MAP2K1: variants seen among roughly 807,000 people sequenced by gnomAD.
MAP2K1 encodes the protein dual specificity mitogen-activated protein kinase kinase 1.
In MAP2K1, 16 loss-of-function variants were observed where a neutral mutation model predicts 46.3. The observed-to-expected ratio is 0.35, with a 90% CI of 0.23 to 0.52. The LOEUF (loss-of-function observed/expected upper bound fraction) is 0.52, where lower values mean the gene tolerates loss of function less well. Ranked by LOEUF, MAP2K1 falls within the 20% of genes least tolerant of loss-of-function variation. The pLI is 0.94. For missense variants in MAP2K1, 263 were observed against 497.1 expected (o/e 0.53, Z 4.48); for synonymous variants, 183 against 185.6 (o/e 0.99, Z 0.11).
At chr15:66,441,136 T>C (rs1382525680) in intron 3 of MAP2K1, among the ~76,000 whole-genome samples, 3 of 152,086 alleles carry the variant, frequency 2.0e-5, no homozygotes, top group Non-Finnish European at 4.4e-5. Context: ...AGCTAATTTT[T>C]ATTTTTTGTA....
Position 66,443,387 on chromosome 15 carries a change from G to T in MAP2K1, c.516+30G>T, listed in dbSNP as rs372680156. On this transcript the variant is annotated intron_variant, in intron 4 of 10. Coordinates refer to ENST00000307102, the MANE Select transcript of MAP2K1 (RefSeq NM_002755.4). ...GTATGTTATGAAGTTTTTCTTCTAA[G>T]TTCCTCATTGATAAGTTAATGAGTC... 13 of 1,322,962 alleles carry T rather than the reference G, an allele frequency of 9.8e-6. No homozygotes were observed. The African/African-American group carries it at 1.9e-4, about 19-fold the overall frequency. 82.0% of individuals were successfully genotyped at this position (1,322,962 alleles called of 1,614,324 possible).
intron 5 of MAP2K1, among the ~76,000 whole-genome samples, chr15:66,477,672 A>G (rs1314880696): frequency 6.6e-6 from 1 of 152,194 alleles, no homozygotes; most frequent in Non-Finnish European, 1.5e-5. Flanking sequence ...CTTTTACTCT[A>G]AAACAGGCTT....
At chr15:66,404,774 C>G (rs939606889) in intron 1 of MAP2K1, among the ~76,000 whole-genome samples, 1 of 152,106 alleles carries the variant, frequency 6.6e-6, no homozygotes, top group African/African-American at 2.4e-5. Context: ...GGAGGGGACA[C>G]GGTGAGCGGA....
chr15:66,466,711 A>G (rs774270025), intron 5 of MAP2K1, among the ~76,000 whole-genome samples: 4 of 152,186 alleles, frequency 2.6e-5, no homozygotes, highest in Non-Finnish European at 4.4e-5. Context: ...AAACCTGTCA[A>G]TAGCTCAAAA....
rs541530931 is a variant in MAP2K1 at position 66,398,137 on chromosome 15, G to A, written c.80+10710G>A. Among the ~76,000 whole-genome samples the A allele has an allele frequency of 4.6e-5, 7 of 151,832 alleles. No individual in the cohort carries two copies. In the South Asian group the frequency reaches 1.5e-3, roughly 32 times the overall value. The stretch of plus-strand genomic sequence containing the variant: ...AGTCAGTATAAGGGTGGGCATGGTG[G>A]CACACACCTGTAATCCCAGCACTTG... On this transcript the variant is annotated intron_variant, in intron 1 of 10. Transcript: ENST00000307102.
At chr15:66,431,627 C>A (rs995657348) in intron 1 of MAP2K1, among the ~76,000 whole-genome samples, 3 of 152,172 alleles carry the variant, frequency 2.0e-5, no homozygotes, top group African/African-American at 4.8e-5. Flanking sequence ...TTTTGACCCA[C>A]CCCAGTGAAT....
intron 5 of MAP2K1, among the ~76,000 whole-genome samples, chr15:66,465,992 G>T (rs1892455279): frequency 6.6e-6 from 1 of 152,156 alleles, no homozygotes; most frequent in African/African-American, 2.4e-5. Context: ...TACAAGTTGG[G>T]TGAATTCCTC....
chr15:66,434,357 C>A (rs986527700), intron 1 of MAP2K1, among the ~76,000 whole-genome samples: 1 of 152,158 alleles, frequency 6.6e-6, no homozygotes, highest in African/African-American at 2.4e-5. Flanking sequence ...ATGTTCTGGT[C>A]CATGTGCGAA....
intron 1 of MAP2K1, among the ~76,000 whole-genome samples, chr15:66,431,641 A>G (rs1190713970): frequency 6.6e-6 from 1 of 152,186 alleles, no homozygotes; most frequent in Non-Finnish European, 1.5e-5. Context: ...AGTGAATGAA[A>G]TAAGCATAGA....
intron 5 of MAP2K1, among the ~76,000 whole-genome samples, chr15:66,467,997 C>G (rs893115184): frequency 2.0e-5 from 3 of 152,116 alleles, no homozygotes; most frequent in Admixed American, 6.6e-5. Flanking sequence ...AAAAATGTAC[C>G]CTGGCTATTC....
At chr15:66,416,221 A>T (rs924804188) in intron 1 of MAP2K1, among the ~76,000 whole-genome samples, 1 of 152,052 alleles carries the variant, frequency 6.6e-6, no homozygotes, top group African/African-American at 2.4e-5. Context: ...CCCAATGCCT[A>T]CCTTGCTTTT....
chr15:66,435,442 C>T (rs1466657398), intron 2 of MAP2K1, among the ~76,000 whole-genome samples: 2 of 151,780 alleles, frequency 1.3e-5, no homozygotes, highest in African/African-American at 4.8e-5. Flanking sequence ...TCTCCTGCCT[C>T]AGCCTCCTGA....
At chr15:66,397,532 T>TG (rs1343358084) in intron 1 of MAP2K1, among the ~76,000 whole-genome samples, 1 of 152,240 alleles carries the variant, frequency 6.6e-6, no homozygotes, top group Non-Finnish European at 1.5e-5. Context: ...GTGTTAATGA[T>TG]GCCGGCTTTT....
In MAP2K1 at chr15:66,481,810, C is replaced by T. The variant is rs191996882; in HGVS notation, c.624C>T (p.Asp208=). Residue 208 remains aspartate (D), a synonymous_variant, in exon 6 of 11, where the codon GAC becomes GAT. Transcript: ENST00000307102. ...VNSRGEIKLC[D]FGVSGQLIDS... ...CCCGTGGGGAGATCAAGCTCTGTGA[C>T]TTTGGGGTCAGCGGGCAGCTCATCG... The T allele has an allele frequency of 4.3e-6, 7 of 1,613,898 alleles. No individual in the cohort carries two copies. In the East Asian group the frequency reaches 1.6e-4, roughly 36 times the overall value.
chr15:66,482,759 T>G (rs35290772), intron 6 of MAP2K1, among the ~76,000 whole-genome samples: 8,565 of 152,176 alleles, frequency 0.056, 344 homozygotes, highest in Middle Eastern at 0.11. Context: ...GGAGGGTACA[T>G]GGATAAAACA....
intron 5 of MAP2K1, among the ~76,000 whole-genome samples, chr15:66,475,636 A>C (rs1892738793): frequency 6.6e-6 from 1 of 152,214 alleles, no homozygotes; most frequent in African/African-American, 2.4e-5. Flanking sequence ...AAACACATAG[A>C]AGGCCGAGAT....
chr15:66,407,801 C>T (rs2093401382), intron 1 of MAP2K1, among the ~76,000 whole-genome samples: 1 of 152,184 alleles, frequency 6.6e-6, no homozygotes, highest in African/African-American at 2.4e-5. Context: ...GTGGTAGTGC[C>T]ACTACACCCC....
At chr15:66,444,831 A>C (rs1891820372) in intron 5 of MAP2K1, 124 bp downstream of exon 5, 2 of 854,086 alleles carry the variant, frequency 2.3e-6, no homozygotes, top group Non-Finnish European at 3.9e-6. Flanking sequence ...TAAATCTTTT[A>C]TTAAAAGTCT....
At chr15:66,409,856 T>C (rs766634183) in intron 1 of MAP2K1, among the ~76,000 whole-genome samples, 1 of 152,222 alleles carries the variant, frequency 6.6e-6, no homozygotes, top group Non-Finnish European at 1.5e-5. Flanking sequence ...TTGTGGTTTT[T>C]AAAGAATTTT....
Sources: gnomAD v4.1 joint callset for allele counts (sites outside exome capture counted in the v4.1 genomes callset) on GRCh38, gnomAD v4.1.1 for gene constraint, MANE v1.5 for transcripts, NCBI Gene and HGNC (gene_info 2026-07-23, HGNC 2026-07-21) for gene names.